MGMT: variants seen among roughly 807,000 people sequenced by gnomAD.
MGMT encodes the protein O-6-methylguanine-DNA methyltransferase, also known as methylated-DNA--protein-cysteine methyltransferase.
Under a neutral mutation model 15.9 loss-of-function variants are expected in MGMT, and 14 were observed. The ratio of observed to expected loss-of-function variants is 0.88; its 90% CI spans 0.58 to 1.37. MGMT has a LOEUF of 1.37. Ranked by LOEUF, MGMT falls within the 40% of genes most tolerant of loss-of-function variation. The pLI is 0.00. For synonymous variants in MGMT, 130 were observed against 118.2 expected, an observed-to-expected ratio of 1.10 and a Z score of -0.65; for missense variants, 282 against 268.1, an observed-to-expected ratio of 1.05 and a Z score of -0.36.
chr10:129,693,189 A>G (rs942487554), intron 2 of MGMT, among the ~76,000 whole-genome samples: 5 of 152,212 alleles, frequency 3.3e-5, no homozygotes, highest in Admixed American at 3.3e-4. Context: ...TGCGAATACA[A>G]ACAGGTGGAG....
chr10:129,605,077 C>G (rs1165510533), intron 2 of MGMT, among the ~76,000 whole-genome samples: 1 of 152,042 alleles, frequency 6.6e-6, no homozygotes, highest in Non-Finnish European at 1.5e-5. Flanking sequence ...TTGACTGCAT[C>G]TTGTTGTTTC....
At chr10:129,673,063 G>T (rs550610190) in intron 2 of MGMT, among the ~76,000 whole-genome samples, 1 of 152,128 alleles carries the variant, frequency 6.6e-6, no homozygotes. Flanking sequence ...CTCCTACAAG[G>T]TGGCCATTCA....
chr10:129,742,523 G>T (rs1848646683), intron 3 of MGMT, among the ~76,000 whole-genome samples: 1 of 149,598 alleles, frequency 6.7e-6, no homozygotes, highest in Non-Finnish European at 1.5e-5. Flanking sequence ...CAGGGCCAGG[G>T]CATTCAGCAG....
intron 1 of MGMT, among the ~76,000 whole-genome samples, chr10:129,517,576 A>G (rs889525363): frequency 2.6e-5 from 4 of 152,134 alleles, no homozygotes; most frequent in African/African-American, 9.7e-5. Context: ...GGCGTCACAC[A>G]TGGGCATGGC....
At chr10:129,632,473 G>A (rs1235264347) in intron 2 of MGMT, among the ~76,000 whole-genome samples, 1 of 82,200 alleles carries the variant, frequency 1.2e-5, no homozygotes, top group Non-Finnish European at 2.8e-5. Flanking sequence ...CGCCAGTACG[G>A]GGCAAAAGCA....
At chr10:129,720,428 G>C (rs1330909127) in intron 3 of MGMT, among the ~76,000 whole-genome samples, 1 of 152,210 alleles carries the variant, frequency 6.6e-6, no homozygotes, top group Non-Finnish European at 1.5e-5. Context: ...GGGGCCCACA[G>C]GGTCACTCTC....
intron 3 of MGMT, among the ~76,000 whole-genome samples, chr10:129,711,746 A>G (rs967242540): frequency 6.6e-6 from 1 of 152,186 alleles, no homozygotes; most frequent in African/African-American, 2.4e-5. Context: ...CGTACAACGT[A>G]GCTTTTTAAG....
In MGMT at chr10:129,761,353, C is replaced by T. The variant is rs551212944; in HGVS notation, c.414+2012C>T. 2.0e-5 allele frequency among the ~76,000 whole-genome samples: 3 copies of T among 152,320 alleles called. No individual in the cohort carries two copies. The East Asian group carries it at 5.8e-4, about 29-fold the overall frequency. The stretch of plus-strand genomic sequence containing the variant: ...GCCCCGTCAGCGGGCGCCGACTGCT[C>T]GCTCCCTTGTGTGTGCAGCTCCCCT... On this transcript the variant is annotated intron_variant, in intron 4 of 4. Transcript: ENST00000651593.
intron 2 of MGMT, among the ~76,000 whole-genome samples, chr10:129,544,790 G>C (rs1411910689): frequency 1.3e-5 from 2 of 152,258 alleles, no homozygotes. Flanking sequence ...TGGTGAACAG[G>C]CTTGTCCACA....
chr10:129,526,046 T>G (rs969746649), intron 1 of MGMT, among the ~76,000 whole-genome samples: 1 of 152,184 alleles, frequency 6.6e-6, no homozygotes, highest in African/African-American at 2.4e-5. Flanking sequence ...TGAGCCGCAC[T>G]TGACTGTCTT....
intron 2 of MGMT, among the ~76,000 whole-genome samples, chr10:129,679,119 T>TA (rs1367572133): frequency 2.6e-5 from 4 of 152,192 alleles, no homozygotes; most frequent in African/African-American, 7.2e-5. Context: ...AAGTAAATGT[T>TA]AGTCATAGGA....
intron 2 of MGMT, among the ~76,000 whole-genome samples, chr10:129,606,589 A>C (rs915389935): frequency 6.6e-5 from 10 of 152,252 alleles, no homozygotes; most frequent in Non-Finnish European, 1.2e-4. Flanking sequence ...GAAGAAATTT[A>C]AATACTAGTC....
At position 129,768,488 on chromosome 10, in the gene MGMT, T is replaced by C. The variant is rs1486109628; in HGVS notation, c.*1491T>C. ...CGCGTCACCGTCAGGACTCGCAGGC[T>C]GTCTGGTCATTTTTGACGTTGCTGA... On this transcript the variant is annotated 3_prime_UTR_variant, in exon 5 of 5. Transcript: ENST00000651593. 6.6e-6 allele frequency among the ~76,000 whole-genome samples: 1 copy of C among 152,238 alleles called. No individual in the cohort carries two copies. Among genetic ancestry groups the C allele is most frequent in the Non-Finnish European group, 1.5e-5 (1 of 68,046 alleles).
chr10:129,480,433 T>G (rs763483152), intron 1 of MGMT, among the ~76,000 whole-genome samples: 3 of 152,232 alleles, frequency 2.0e-5, no homozygotes, highest in African/African-American at 4.8e-5. Flanking sequence ...TGTTGCTTCA[T>G]TGAGTTATAC....
chr10:129,578,424 A>C (rs1343338758), intron 2 of MGMT, among the ~76,000 whole-genome samples: 6 of 151,968 alleles, frequency 3.9e-5, no homozygotes, highest in Non-Finnish European at 8.8e-5. Context: ...TCAGCAAACT[A>C]TTGCAAGGAC....
chr10:129,713,570 C>T (rs187320559), intron 3 of MGMT, among the ~76,000 whole-genome samples: 1 of 152,160 alleles, frequency 6.6e-6, no homozygotes, highest in Non-Finnish European at 1.5e-5. Context: ...GAACACTTGT[C>T]ATTTCTACCA....
intron 2 of MGMT, among the ~76,000 whole-genome samples, chr10:129,626,875 A>G (rs1030365399): frequency 6.6e-6 from 1 of 152,244 alleles, no homozygotes; most frequent in Non-Finnish European, 1.5e-5. Flanking sequence ...GAGCTGGTGT[A>G]AGGAGATGCA....
chr10:129,583,576 T>C (rs753204984), intron 2 of MGMT, among the ~76,000 whole-genome samples: 2 of 152,220 alleles, frequency 1.3e-5, no homozygotes, highest in Non-Finnish European at 2.9e-5. Flanking sequence ...CTAGGGGTTG[T>C]GGTTTTGGTC....
chr10:129,494,461 C>T (rs1038339435), intron 1 of MGMT, among the ~76,000 whole-genome samples: 1 of 152,176 alleles, frequency 6.6e-6, no homozygotes, highest in Non-Finnish European at 1.5e-5. Flanking sequence ...TTATCAGAGA[C>T]TTCAAGTCCT....
Sources: allele counts gnomAD v4.1 joint callset (sites outside exome capture counted in the v4.1 genomes callset), GRCh38; gene constraint gnomAD v4.1.1; transcripts MANE v1.5; gene names NCBI Gene and HGNC (gene_info 2026-07-23, HGNC 2026-07-21).